Variants in EPHA6 observed in about 807,000 individuals in gnomAD.
EPHA6 encodes the protein ephrin type-A receptor 6.
A neutral mutation model predicts 112.0 loss-of-function variants in EPHA6; 50 were observed. The ratio of observed to expected loss-of-function variants is 0.45; its 90% confidence interval spans 0.36 to 0.56. The LOEUF (loss-of-function observed/expected upper bound fraction) is 0.56. Among genes scored for constraint, EPHA6 ranks in the 20% least tolerant of loss-of-function variants. EPHA6 has a pLI of 0.00. For missense variants in EPHA6, 1,280 were observed against 1,417.4 expected, an observed-to-expected ratio of 0.90 and a Z score of 1.56; for synonymous variants, 529 against 490.7, an observed-to-expected ratio of 1.08 and a Z score of -1.03.
intron 9 of EPHA6, among the ~76,000 whole-genome samples, chr3:97,480,888 G>T (rs1371403953): frequency 1.3e-5 from 2 of 152,036 alleles, no homozygotes; most frequent in African/African-American, 4.8e-5. Flanking sequence ...GGGTGGCAGA[G>T]CAGAGGCGCT....
chr3:97,199,903 G>C (rs542274843), intron 3 of EPHA6, among the ~76,000 whole-genome samples: 2 of 152,152 alleles, frequency 1.3e-5, no homozygotes, highest in Non-Finnish European at 2.9e-5. Context: ...CTTTAATAGA[G>C]TTTCATTAAT....
chr3:97,661,853 TGTCCTGGTAGTCCTTGTATACAAA>T, intron 14 of EPHA6, among the ~76,000 whole-genome samples: 1 of 152,296 alleles, frequency 6.6e-6, no homozygotes, highest in Non-Finnish European at 1.5e-5. Context: ...CTCTTATGGA[TGTCCTGGTAGTCCTTGTATACAAA>T]GTGCATGATT....
chr3:97,629,614 T>C (rs1258853031), intron 13 of EPHA6, among the ~76,000 whole-genome samples: 1 of 152,050 alleles, frequency 6.6e-6, no homozygotes, highest in Admixed American at 6.6e-5. Flanking sequence ...TAAAATTATA[T>C]ATAAAGAAAT....
chr3:97,626,335 T>C (rs2093856383), intron 13 of EPHA6, among the ~76,000 whole-genome samples: 2 of 151,870 alleles, frequency 1.3e-5, no homozygotes, highest in African/African-American at 4.8e-5. Context: ...AACATTCAGC[T>C]GATGCTGAAG....
At chr3:97,185,357 A>G (rs2077097863) in intron 3 of EPHA6, among the ~76,000 whole-genome samples, 1 of 152,198 alleles carries the variant, frequency 6.6e-6, no homozygotes, top group Non-Finnish European at 1.5e-5. Flanking sequence ...ATGAACTCCA[A>G]CAAATTTACA....
At chr3:97,720,085 AT>A (rs1482893830) in intron 14 of EPHA6, among the ~76,000 whole-genome samples, 175 bp from the exon 15 acceptor site, 1 of 152,244 alleles carries the variant, frequency 6.6e-6, no homozygotes, top group Non-Finnish European at 1.5e-5. Flanking sequence ...CTGAATAATT[AT>A]AGGAAATGTT....
At chr3:97,644,742 A>G (rs1483616767) in intron 14 of EPHA6, among the ~76,000 whole-genome samples, 2 of 151,242 alleles carry the variant, frequency 1.3e-5, no homozygotes, top group Non-Finnish European at 3.0e-5. Context: ...AACCAGGAAG[A>G]AGTTGAATCT....
Position 97,553,637 on chromosome 3 carries a change from G to A in EPHA6, c.2386+21094G>A, listed in dbSNP as rs149505741. 2.1e-3 allele frequency among the ~76,000 whole-genome samples: 316 copies of A among 152,172 alleles called. 1 individual carries two copies. Among genetic ancestry groups the A allele is most frequent in the African/African-American group, 6.6e-3 (275 of 41,534 alleles). On this transcript the variant is annotated intron_variant, in intron 11 of 17. Coordinates refer to ENST00000389672, the MANE Select transcript of EPHA6 (RefSeq NM_001080448.3). ...GAACAGCATGGGGGAAACCGCCCCC[G>A]TGATCCAATCACCTCCCATCAGGTT...
chr3:97,221,457 G>C (rs1011185592), intron 3 of EPHA6, among the ~76,000 whole-genome samples: 3 of 151,874 alleles, frequency 2.0e-5, no homozygotes, highest in African/African-American at 7.3e-5. Flanking sequence ...ACATATGTTG[G>C]ACAACATTCT....
intron 3 of EPHA6, among the ~76,000 whole-genome samples, chr3:97,143,636 A>G (rs1038294840): frequency 6.6e-6 from 1 of 151,788 alleles, no homozygotes; most frequent in Non-Finnish European, 1.5e-5. Context: ...TGTTTCCATA[A>G]GTTCACCAAA....
chr3:97,147,267 TA>T (rs1453834186), intron 3 of EPHA6, among the ~76,000 whole-genome samples: 1 of 152,116 alleles, frequency 6.6e-6, no homozygotes, highest in Non-Finnish European at 1.5e-5. Flanking sequence ...TGGGCACATC[TA>T]ATTTTGTATA....
chr3:97,026,055 A>G (rs778993165), intron 3 of EPHA6, among the ~76,000 whole-genome samples: 8 of 151,442 alleles, frequency 5.3e-5, no homozygotes, highest in Admixed American at 1.3e-4. Context: ...GTTGAAGTTC[A>G]GATAGTTTTA....
At chr3:97,565,521 C>T (rs2093252078) in intron 11 of EPHA6, among the ~76,000 whole-genome samples, 1 of 152,146 alleles carries the variant, frequency 6.6e-6, no homozygotes, top group East Asian at 1.9e-4. Flanking sequence ...TATTGGAATT[C>T]ACAAATTAAA....
intron 5 of EPHA6, among the ~76,000 whole-genome samples, chr3:97,344,099 AG>A (rs2108869574): frequency 6.6e-6 from 1 of 152,184 alleles, no homozygotes; most frequent in Non-Finnish European, 1.5e-5. Context: ...GGTGGAGGGG[AG>A]TTCTGACTCA....
At position 97,670,741 on chromosome 3, in the gene EPHA6, A is replaced by G. The variant is rs182537585; in HGVS notation, c.2784+32659A>G. ...TTAATGAATTTTCTGCAGGCAGCAT[A>G]GCACTCCACTCTAGTTTGTTCACTA... is the stretch of plus-strand genomic sequence containing the variant. On this transcript the variant is annotated intron_variant, in intron 14 of 17. Transcript: ENST00000389672. 1.4e-3 allele frequency among the ~76,000 whole-genome samples: 216 copies of G among 152,376 alleles called. 2 individuals carry two copies. The highest frequency in any genetic ancestry group is 9.7e-4 in the Non-Finnish European group (66 of 68,034).
chr3:97,102,373 C>T (rs973989353), intron 3 of EPHA6, among the ~76,000 whole-genome samples: 11 of 151,984 alleles, frequency 7.2e-5, no homozygotes, highest in African/African-American at 1.2e-4. Flanking sequence ...TACAGAACTG[C>T]GAGATACAAT....
intron 1 of EPHA6, among the ~76,000 whole-genome samples, chr3:96,816,690 G>A (rs775732351): frequency 2.6e-5 from 4 of 151,962 alleles, no homozygotes; most frequent in Non-Finnish European, 5.9e-5. Flanking sequence ...AAATACCTAT[G>A]ATGCATCAGT....
chr3:97,589,000 A>T (rs965459429), intron 11 of EPHA6, among the ~76,000 whole-genome samples: 1 of 152,196 alleles, frequency 6.6e-6, no homozygotes, highest in Admixed American at 6.5e-5. Context: ...TACAATATCA[A>T]ATTTAAAAAG....
chr3:97,325,312 C>T (rs1475723527), intron 5 of EPHA6, among the ~76,000 whole-genome samples: 1 of 152,098 alleles, frequency 6.6e-6, no homozygotes, highest in Non-Finnish European at 1.5e-5. Context: ...GTTTGGTTTC[C>T]TCTGCTGCCT....
Sources: allele counts gnomAD v4.1 joint callset (sites outside exome capture counted in the v4.1 genomes callset), GRCh38; gene constraint gnomAD v4.1.1; transcripts MANE v1.5; gene names NCBI Gene and HGNC (gene_info 2026-07-23, HGNC 2026-07-21).